Variants in CTNNA3 observed in about 807,000 individuals in gnomAD.
CTNNA3 encodes the protein catenin alpha-3.
Under a neutral mutation model 95.7 loss-of-function variants are expected in CTNNA3, and 76 were observed. That is an observed-to-expected ratio of 0.79 (90% CI 0.66 to 0.96). The LOEUF is 0.96. Among genes scored for constraint, CTNNA3 ranks in the 40% least tolerant of loss-of-function variants. The probability of loss-of-function intolerance (pLI) is 0.00; values close to 1 mark genes in which losing one functional copy is unlikely to be tolerated. For synonymous variants in CTNNA3, 431 were observed against 374.4 expected (o/e 1.15, Z -1.74); for missense variants, 1,191 against 1,089.8 (o/e 1.09, Z -1.31).
At chr10:67,664,999 C>A (rs566399942) in intron 1 of CTNNA3, among the ~76,000 whole-genome samples, 1 of 152,296 alleles carries the variant, frequency 6.6e-6, no homozygotes, top group South Asian at 2.1e-4. Flanking sequence ...GCACAAATAA[C>A]CTACTCGCTG....
rs201619906 is a variant in CTNNA3, at chr10:67,741,356, AAAAG to A, written c.-2+22074_-2+22077del. 4.9e-4 allele frequency among the ~76,000 whole-genome samples: 73 copies of A among 148,910 alleles called. No homozygotes were observed. The East Asian group carries it at 0.014, about 28-fold the overall frequency. The stretch of plus-strand genomic sequence containing the variant: ...AAAATAAAAAAAGAACAAAAAAAAA[AAAAG>A]AAAAGAAAAGAATTTTCAACCCAGA... On this transcript the variant is annotated intron_variant, in intron 1 of 17. Coordinates refer to the CTNNA3 transcript ENST00000684154.
At chr10:66,218,134 G>C (rs1381848) in intron 13 of CTNNA3, among the ~76,000 whole-genome samples, 2 of 152,028 alleles carry the variant, frequency 1.3e-5, no homozygotes, top group Non-Finnish European at 2.9e-5. Context: ...CACCTAATAA[G>C]CCTGTCCTAC....
chr10:67,274,152 A>G (rs191051835), intron 5 of CTNNA3, among the ~76,000 whole-genome samples: 39 of 151,932 alleles, frequency 2.6e-4, no homozygotes, highest in African/African-American at 8.3e-4. Flanking sequence ...TAAACTGAAC[A>G]AAGAGATTCT....
intron 15 of CTNNA3, 123 bp downstream of exon 15, chr10:66,069,185 T>C: frequency 2.4e-6 from 2 of 834,502 alleles, no homozygotes; most frequent in Non-Finnish European, 3.9e-6. Context: ...TCTAATACTA[T>C]ATTTGCTTTT....
At chr10:67,111,279 C>G (rs951371641) in intron 7 of CTNNA3, among the ~76,000 whole-genome samples, 1 of 152,100 alleles carries the variant, frequency 6.6e-6, no homozygotes, top group Non-Finnish European at 1.5e-5. Context: ...GTGCTAATAG[C>G]TCACCAAATA....
intron 2 of CTNNA3, among the ~76,000 whole-genome samples, chr10:67,620,398 G>A (rs16924708): frequency 0.13 from 20,227 of 152,022 alleles, 2,413 homozygotes; most frequent in African/African-American, 0.32. Flanking sequence ...ATCTCCCACC[G>A]TGAAATCATA....
At chr10:66,749,878 T>C (rs908189312) in intron 9 of CTNNA3, among the ~76,000 whole-genome samples, 3 of 152,224 alleles carry the variant, frequency 2.0e-5, no homozygotes, top group African/African-American at 7.2e-5. Flanking sequence ...CACCAACACT[T>C]GGTATTGCCA....
At chr10:67,408,091 T>A (rs1371624894) in intron 5 of CTNNA3, among the ~76,000 whole-genome samples, 1 of 152,048 alleles carries the variant, frequency 6.6e-6, no homozygotes, top group East Asian at 1.9e-4. Context: ...AAATCAGAGA[T>A]GACACAAACA....
chr10:66,082,468 C>T (rs1052330726), intron 14 of CTNNA3, among the ~76,000 whole-genome samples: 5 of 152,066 alleles, frequency 3.3e-5, no homozygotes, highest in Non-Finnish European at 7.4e-5. Context: ...AAATACCATA[C>T]TCTAGAGGGG....
chr10:67,614,963 G>A (rs1437447050), intron 2 of CTNNA3, among the ~76,000 whole-genome samples: 1 of 152,094 alleles, frequency 6.6e-6, no homozygotes, highest in African/African-American at 2.4e-5. Context: ...AAGGACACCA[G>A]TCATATTGGA....
intron 11 of CTNNA3, among the ~76,000 whole-genome samples, chr10:66,506,859 A>T (rs1840466583): frequency 6.6e-6 from 1 of 152,168 alleles, no homozygotes; most frequent in African/African-American, 2.4e-5. Context: ...AGAATAATGT[A>T]TAAGTGCAAT....
chr10:67,034,714 T>C (rs542014034), intron 7 of CTNNA3, among the ~76,000 whole-genome samples: 2 of 152,218 alleles, frequency 1.3e-5, no homozygotes, highest in African/African-American at 4.8e-5. Context: ...CCTACTCAGA[T>C]GCAAAAACTG....
At chr10:67,708,008 A>T (rs536880728) in intron 1 of CTNNA3, among the ~76,000 whole-genome samples, 6 of 152,284 alleles carry the variant, frequency 3.9e-5, no homozygotes, top group African/African-American at 1.4e-4. Flanking sequence ...AAACCCAAAT[A>T]TCACATTTAG....
intron 5 of CTNNA3, among the ~76,000 whole-genome samples, chr10:67,461,732 C>T (rs1589314765): frequency 6.6e-6 from 1 of 152,154 alleles, no homozygotes; most frequent in African/African-American, 2.4e-5. Context: ...GTCAATTAAC[C>T]TCCAGGCTTT....
intron 7 of CTNNA3, among the ~76,000 whole-genome samples, chr10:66,804,847 G>A (rs1841577472): frequency 6.6e-6 from 1 of 152,052 alleles, no homozygotes. Context: ...AGGCATGTTT[G>A]CAAGGCTGGC....
At chr10:67,039,828 G>A (rs1003086386) in intron 7 of CTNNA3, among the ~76,000 whole-genome samples, 6 of 152,104 alleles carry the variant, frequency 3.9e-5, no homozygotes, top group Non-Finnish European at 8.8e-5. Flanking sequence ...ATTATTGATT[G>A]CTATGTTATA....
In CTNNA3 at chr10:67,539,576, A is replaced by C. The variant is rs1270069740; in HGVS notation, c.386T>G (p.Leu129Arg). The change falls in exon 4 of 18, where the codon CTG becomes CGG. Residue 129 changes from leucine (L) to arginine (R), a missense_variant. Coordinates refer to ENST00000433211, the MANE Select transcript of CTNNA3 (RefSeq NM_013266.4). ...EAVVQAARALLAAVTRLLILA... is the reference protein window; with the variant it reads ...EAVVQAARALRAAVTRLLILA... ...GATAAGGAGTCTCGTCACCGCAGCCAGCAAGGCACGGGCAGCTTGAACCAC... is the reference window on the plus strand; with the variant it reads ...GATAAGGAGTCTCGTCACCGCAGCCCGCAAGGCACGGGCAGCTTGAACCAC... The C allele has an allele frequency of 6.2e-7, 1 of 1,613,792 alleles. No homozygotes were observed. The highest frequency in any genetic ancestry group is 1.7e-5 in the Admixed American group (1 of 59,974).
At chr10:67,556,423 A>T (rs2133242967) in intron 3 of CTNNA3, among the ~76,000 whole-genome samples, 1 of 152,286 alleles carries the variant, frequency 6.6e-6, no homozygotes, top group East Asian at 1.9e-4. Flanking sequence ...TTATTGCCTC[A>T]ATTTCAGAGC....
chr10:66,285,582 C>T (rs1266080024), intron 12 of CTNNA3, among the ~76,000 whole-genome samples: 2 of 151,774 alleles, frequency 1.3e-5, no homozygotes, highest in Non-Finnish European at 2.9e-5. Context: ...AATGTGACTA[C>T]TTAAATATTC....
Sources: allele counts gnomAD v4.1 joint callset (sites outside exome capture counted in the v4.1 genomes callset), GRCh38; gene constraint gnomAD v4.1.1; transcripts MANE v1.5; gene names NCBI Gene and HGNC (gene_info 2026-07-23, HGNC 2026-07-21).